Variants in MINK1 observed in about 807,000 individuals in gnomAD.
MINK1 encodes the protein misshapen-like kinase 1.
Under a neutral mutation model 178.4 loss-of-function variants are expected in MINK1, and 46 were observed. That is an observed-to-expected ratio of 0.26 (90% confidence interval 0.20 to 0.33). MINK1 has a LOEUF of 0.33. Among genes scored for constraint, MINK1 ranks in the 10% least tolerant of loss-of-function variants. The pLI is 1.00. For synonymous variants in MINK1, 797 were observed against 709.7 expected (o/e 1.12, Z -1.96); for missense variants, 1,366 against 1,814.9 (o/e 0.75, Z 4.49).
chr17:4,849,100 A>G (rs1911514674), intron 1 of MINK1, among the ~76,000 whole-genome samples: 1 of 152,114 alleles, frequency 6.6e-6, no homozygotes, highest in South Asian at 2.1e-4. Flanking sequence ...TAGACCTGGA[A>G]TTCTGTGGGC....
At chr17:4,870,106 G>T (rs1265578189) in intron 1 of MINK1, among the ~76,000 whole-genome samples, 1 of 150,986 alleles carries the variant, frequency 6.6e-6, no homozygotes. Flanking sequence ...TAGAGACGGG[G>T]TTTCACCGTG....
chr17:4,864,541 A>G (rs969755715), intron 1 of MINK1, among the ~76,000 whole-genome samples: 1 of 151,682 alleles, frequency 6.6e-6, no homozygotes, highest in African/African-American at 2.4e-5. Context: ...CCTGGCCAAC[A>G]TGGTGAAACC....
chr17:4,854,812 C>T (rs777221187), intron 1 of MINK1: 6 of 479,998 alleles, frequency 1.3e-5, no homozygotes, highest in African/African-American at 2.0e-5. Context: ...TAAAAAGATC[C>T]GGTTGAGTTC....
intron 1 of MINK1, among the ~76,000 whole-genome samples, chr17:4,877,415 C>G (rs1006628733): frequency 6.6e-6 from 1 of 152,188 alleles, no homozygotes; most frequent in Non-Finnish European, 1.5e-5. Flanking sequence ...CCATCACCTG[C>G]TGACTCCCTC....
At chr17:4,880,224 T>G (rs983173119) in intron 2 of MINK1, among the ~76,000 whole-genome samples, 5 of 152,028 alleles carry the variant, frequency 3.3e-5, no homozygotes, top group Admixed American at 6.6e-5. Flanking sequence ...TCAGGAGCGC[T>G]CTCTGTCCAC....
At chr17:4,848,067 G>A (rs1911307265) in intron 1 of MINK1, among the ~76,000 whole-genome samples, 3 of 151,968 alleles carry the variant, frequency 2.0e-5, no homozygotes, top group Admixed American at 2.0e-4. Flanking sequence ...GAGGGAGGAC[G>A]GGAGGGACTC....
chr17:4,869,187 G>A (rs1004052425), intron 1 of MINK1, among the ~76,000 whole-genome samples: 2 of 151,822 alleles, frequency 1.3e-5, no homozygotes, highest in African/African-American at 4.8e-5. Context: ...GCCTCCCAAA[G>A]TGCTGGGATT....
intron 4 of MINK1, among the ~76,000 whole-genome samples, chr17:4,882,624 T>A (rs957623556): frequency 6.6e-6 from 1 of 152,200 alleles, no homozygotes; most frequent in Non-Finnish European, 1.5e-5. Context: ...ATGGTAAATA[T>A]TTCAGGCTTT....
intron 14 of MINK1, 32 bp from the exon 15 acceptor site, chr17:4,890,919 G>A (rs758149430): frequency 2.0e-5 from 31 of 1,551,578 alleles, no homozygotes; most frequent in Non-Finnish European, 2.6e-5. Context: ...GGAGGCAAGA[G>A]CTGGCCTGCT....
intron 1 of MINK1, among the ~76,000 whole-genome samples, chr17:4,846,378 G>A (rs181231264): frequency 2.4e-3 from 367 of 152,286 alleles, no homozygotes; most frequent in Admixed American, 6.6e-3. Context: ...GCCCAATACC[G>A]AATGGCCCTT....
Position 4,885,005 on chromosome 17 carries a change from G to A in MINK1, c.508+3G>A. The A allele has an allele frequency of 1.2e-6, 2 of 1,613,820 alleles. No individual in the cohort carries two copies. Among genetic ancestry groups the A allele is most frequent in the East Asian group, 2.2e-5 (1 of 44,862 alleles). ...AGAGAATGCTGAGGTCAAGCTAGGTGCGCCGGCTCCTTCTGAGGCTGACGA... is the reference window on the plus strand; with the variant it reads ...AGAGAATGCTGAGGTCAAGCTAGGTACGCCGGCTCCTTCTGAGGCTGACGA... On this transcript the variant is annotated splice_donor_region_variant and intron_variant, in intron 6 of 31. Coordinates refer to ENST00000355280, the MANE Select transcript of MINK1 (RefSeq NM_153827.5). This position sits in a 1 kb window ranked among gnomAD's most constrained non-coding sequence, Gnocchi z 5.0.
intron 4 of MINK1, among the ~76,000 whole-genome samples, chr17:4,883,698 CT>C (rs35648380): frequency 0.11 from 13,089 of 123,076 alleles, 722 homozygotes; most frequent in African/African-American, 0.15. Context: ...CGCCCGGCTA[CT>C]TTTTTTTTTT....
rs555785970 is a variant in MINK1, at chr17:4,895,682, T to C, written c.3230-16T>C. On this transcript the variant is annotated splice_polypyrimidine_tract_variant and intron_variant, in intron 26 of 31. Transcript: ENST00000355280. This position sits in a 1 kb window ranked among gnomAD's most constrained non-coding sequence, Gnocchi z 4.3. ...ATGAGAATGGGGGCGGGTGTGTATG[T>C]CTGTCCGTCCCTCAGGGAAAAGGAA... 22 of 1,611,874 alleles carry C rather than the reference T, an allele frequency of 1.4e-5. No individual in the cohort carries two copies. Among genetic ancestry groups the C allele is most frequent in the Non-Finnish European group, 1.6e-5 (19 of 1,179,090 alleles).
At chr17:4,838,345 G>A (rs1221603687) in intron 1 of MINK1, among the ~76,000 whole-genome samples, 1 of 152,120 alleles carries the variant, frequency 6.6e-6, no homozygotes, top group Non-Finnish European at 1.5e-5. Context: ...ATAGTCCTTA[G>A]GGATATACAC....
intron 1 of MINK1, among the ~76,000 whole-genome samples, chr17:4,850,015 T>TGCAAGGA (rs2150798000): frequency 6.6e-6 from 1 of 152,306 alleles, no homozygotes; most frequent in South Asian, 2.1e-4. Flanking sequence ...GGCGCAAGCG[T>TGCAAGGA]GGCTCACTGC....
chr17:4,881,984 A>G (rs1967745138), intron 4 of MINK1, among the ~76,000 whole-genome samples: 1 of 152,248 alleles, frequency 6.6e-6, no homozygotes, highest in South Asian at 2.1e-4. Context: ...AGCACTTACT[A>G]AGCACTTCTG....
chr17:4,856,026 A>G (rs1025404013), intron 1 of MINK1, among the ~76,000 whole-genome samples: 1 of 151,844 alleles, frequency 6.6e-6, no homozygotes, highest in Non-Finnish European at 1.5e-5. Flanking sequence ...ACAGTAGGAA[A>G]TTGATGAGGG....
chr17:4,855,309 AC>A (rs1334839657), intron 1 of MINK1, among the ~76,000 whole-genome samples: 1 of 146,510 alleles, frequency 6.8e-6, no homozygotes, highest in Non-Finnish European at 1.5e-5. Context: ...ACAAGGTGAA[AC>A]CCCGTCTCTA....
In MINK1 at chr17:4,896,419, T is replaced by C. The variant is rs978633759; in HGVS notation, c.3616-10T>C. 1.2e-6 allele frequency: 2 copies of C among 1,613,378 alleles called. No homozygotes were observed. Among genetic ancestry groups the C allele is most frequent in the Non-Finnish European group, 1.7e-6 (2 of 1,179,512 alleles). ...GACACGGAGACTCTAGTCCCCCTCCTTCTCCCCAGATCCAGAGCCAGATCA... is the reference window on the plus strand; with the variant it reads ...GACACGGAGACTCTAGTCCCCCTCCCTCTCCCCAGATCCAGAGCCAGATCA... On this transcript the variant is annotated splice_polypyrimidine_tract_variant and intron_variant, in intron 29 of 31. Transcript: ENST00000355280. This position sits in a 1 kb window ranked among gnomAD's most constrained non-coding sequence, Gnocchi z 4.6.
Sources: gnomAD v4.1 joint callset for allele counts (sites outside exome capture counted in the v4.1 genomes callset) on GRCh38, gnomAD v4.1.1 for gene constraint, Gnocchi (gnomAD v3.1) non-coding constraint, MANE v1.5 for transcripts, NCBI Gene and HGNC (gene_info 2026-07-23, HGNC 2026-07-21) for gene names.